Variants in ANKHD1 observed in about 807,000 individuals in gnomAD.
ANKHD1 encodes ankyrin repeat and KH domain-containing protein 1.
A neutral mutation model predicts 230.5 loss-of-function variants in ANKHD1; 31 were observed. The ratio of observed to expected loss-of-function variants is 0.13; its 90% CI spans 0.10 to 0.18. The LOEUF (loss-of-function observed/expected upper bound fraction) is 0.18. Ranked by LOEUF, ANKHD1 falls within the 10% of genes least tolerant of loss-of-function variation. The pLI, the probability that ANKHD1 is intolerant of heterozygous loss-of-function variation, is 1.00. For synonymous variants in ANKHD1, 1,074 were observed against 1,117.6 expected, an observed-to-expected ratio of 0.96 and a Z score of 0.78; for missense variants, 2,256 against 3,071.3, an observed-to-expected ratio of 0.73 and a Z score of 6.27.
intron 23 of ANKHD1, 53 bp downstream of exon 23, chr5:140,512,976 C>A: frequency 6.8e-7 from 1 of 1,475,560 alleles, no homozygotes; most frequent in Non-Finnish European, 9.2e-7. Flanking sequence ...GAATGATATG[C>A]CAAAGTGTGC....
intron 1 of ANKHD1, among the ~76,000 whole-genome samples, chr5:140,435,210 C>A (rs1014199044): frequency 1.3e-5 from 2 of 152,000 alleles, no homozygotes; most frequent in Admixed American, 1.3e-4. Context: ...ATTTCAGAGT[C>A]AGAATTGAAT....
chr5:140,527,296 C>CAA lies in ANKHD1; in HGVS notation c.5087+223_5087+224insAA. On this transcript the variant is annotated intron_variant, in intron 27 of 33. Coordinates refer to ENST00000360839, the MANE Select transcript of ANKHD1 (RefSeq NM_017747.3). This position sits in a 1 kb window ranked among gnomAD's most constrained non-coding sequence, Gnocchi z 4.5. ...AAATTTTGGCTTTTTTGGATAACCT[C>CAA]AGTTGCTTTTTATGTAGTTCAAATG... is the stretch of plus-strand genomic sequence containing the variant. 1 of 539,154 alleles carries CAA rather than the reference C, an allele frequency of 1.9e-6. No homozygotes were observed. The allele number at this position is 539,154 out of a possible 1,614,324, so 33.4% of individuals were successfully genotyped here. A position where few individuals can be genotyped will look rare whatever the true frequency, so the allele number is the denominator to read the frequency against.
At chr5:140,417,777 A>G (rs1771517751) in intron 1 of ANKHD1, among the ~76,000 whole-genome samples, 1 of 149,602 alleles carries the variant, frequency 6.7e-6, no homozygotes, top group Admixed American at 6.7e-5. Context: ...TTGTGATATA[A>G]TTTCAAACTT....
chr5:140,490,919 T>G (rs1751742949), intron 14 of ANKHD1, among the ~76,000 whole-genome samples: 1 of 151,670 alleles, frequency 6.6e-6, no homozygotes, highest in Non-Finnish European at 1.5e-5. Flanking sequence ...CAATTTCTGG[T>G]GCTTTATCAC....
intron 17 of ANKHD1, 116 bp downstream of exon 17, chr5:140,505,349 T>C (rs1752494976): frequency 1.7e-6 from 2 of 1,189,894 alleles, no homozygotes; most frequent in Admixed American, 4.9e-5. Context: ...TAAGTATATT[T>C]CAGTTAGGAA....
At chr5:140,436,067 CA>C in intron 1 of ANKHD1, 36 bp from the exon 2 acceptor site, 1 of 1,459,466 alleles carries the variant, frequency 6.9e-7, no homozygotes, top group Non-Finnish European at 9.1e-7. Context: ...ATATTGATAT[CA>C]GTTTCATGGA....
intron 20 of ANKHD1, 51 bp from the exon 21 acceptor site, chr5:140,509,586 T>G: frequency 6.9e-7 from 1 of 1,456,896 alleles, no homozygotes; most frequent in Non-Finnish European, 9.1e-7. Flanking sequence ...GTCTACGGAA[T>G]AGTTAAAAAA....
intron 10 of ANKHD1, chr5:140,472,530 G>A: frequency 3.6e-6 from 4 of 1,110,378 alleles, no homozygotes; most frequent in Non-Finnish European, 4.6e-6. Context: ...AATCTCTTAG[G>A]TGAAAATAGA....
At chr5:140,491,133 T>C (rs1478046023) in intron 14 of ANKHD1, among the ~76,000 whole-genome samples, 32 of 67,002 alleles carry the variant, frequency 4.8e-4, no homozygotes, top group African/African-American at 1.2e-3. Context: ...TATATATATA[T>C]ATACACATAT....
At chr5:140,416,781 A>T (rs1771432814) in intron 1 of ANKHD1, among the ~76,000 whole-genome samples, 1 of 151,722 alleles carries the variant, frequency 6.6e-6, no homozygotes, top group Non-Finnish European at 1.5e-5. Flanking sequence ...CACCATGCCT[A>T]ACCTGTTCTT....
At chr5:140,466,197 GC>G (rs1178045473) in intron 10 of ANKHD1, among the ~76,000 whole-genome samples, 5 of 152,124 alleles carry the variant, frequency 3.3e-5, no homozygotes. Flanking sequence ...TTAAAGACCA[GC>G]CGGACTAACT....
Position 140,513,041 on chromosome 5 carries a change from TG to T in ANKHD1, c.4200+119del, listed in dbSNP as rs570285109. On this transcript the variant is annotated intron_variant, in intron 23 of 33. Coordinates refer to ENST00000360839, the MANE Select transcript of ANKHD1 (RefSeq NM_017747.3). ...AAAGGTTGGTCACCTGATCTCTTTA[TG>T]CGTTTGTTTCTCCATTTGCAAAATA... is the stretch of plus-strand genomic sequence containing the variant. The T allele has an allele frequency of 3.2e-4, 318 of 1,003,352 alleles. 1 individual carries two copies. In the Admixed American group the frequency reaches 3.4e-3, roughly 11 times the overall value. The allele number at this position is 1,003,352 out of a possible 1,614,324, so 62.2% of individuals were successfully genotyped here.
intron 4 of ANKHD1, 113 bp downstream of exon 4, chr5:140,440,379 C>G (rs1345747166): frequency 7.2e-7 from 1 of 1,388,562 alleles, no homozygotes. Context: ...TCTCTTCCCC[C>G]ATCCTCCTTC....
At chr5:140,532,324 T>C (rs1297253711) in intron 29 of ANKHD1, among the ~76,000 whole-genome samples, 1 of 152,166 alleles carries the variant, frequency 6.6e-6, no homozygotes, top group Non-Finnish European at 1.5e-5. Context: ...TATGATTCCA[T>C]TTATGTGAAA....
At chr5:140,415,050 T>C (rs560885603) in intron 1 of ANKHD1, among the ~76,000 whole-genome samples, 1 of 152,238 alleles carries the variant, frequency 6.6e-6, no homozygotes, top group South Asian at 2.1e-4. Flanking sequence ...TTTTATTTTG[T>C]CGTATGCTTA....
At chr5:140,537,314 A>G in intron 30 of ANKHD1, 75 bp from the exon 31 acceptor site, 1 of 1,544,040 alleles carries the variant, frequency 6.5e-7, no homozygotes, top group Non-Finnish European at 8.7e-7. Flanking sequence ...GTAATAAAAC[A>G]ATAGAGAAAT....
chr5:140,402,338 G>T, intron 1 of ANKHD1, 65 bp downstream of exon 1: 1 of 1,387,606 alleles, frequency 7.2e-7, no homozygotes, highest in Non-Finnish European at 9.3e-7. Context: ...GGTAGGCTCT[G>T]GGCCGGGGCC....
chr5:140,439,081 A>G (rs939736853), intron 3 of ANKHD1, among the ~76,000 whole-genome samples: 19 of 152,242 alleles, frequency 1.2e-4, no homozygotes, highest in African/African-American at 4.3e-4. Flanking sequence ...GCCCTACTCC[A>G]TATCTACTGA....
At position 140,419,233 on chromosome 5, in the gene ANKHD1, C is replaced by T. The variant is rs1193875518; in HGVS notation, c.307-16871C>T. On this transcript the variant is annotated intron_variant, in intron 1 of 33. Coordinates refer to ENST00000360839, the MANE Select transcript of ANKHD1 (RefSeq NM_017747.3). Reference sequence around the variant, plus strand: ...TTCCCTAATGATTAATGATGTTGAGCATCTTTTCATGTGCTTATTGGTCAT... The same window carrying T: ...TTCCCTAATGATTAATGATGTTGAGTATCTTTTCATGTGCTTATTGGTCAT... 2.0e-5 allele frequency among the ~76,000 whole-genome samples: 3 copies of T among 151,240 alleles called. No individual in the cohort carries two copies. In the East Asian group the frequency reaches 5.8e-4, roughly 29 times the overall value.
Sources: gnomAD v4.1 joint callset for allele counts (sites outside exome capture counted in the v4.1 genomes callset) on GRCh38, gnomAD v4.1.1 for gene constraint, Gnocchi (gnomAD v3.1) non-coding constraint, MANE v1.5 for transcripts, NCBI Gene and HGNC (gene_info 2026-07-23, HGNC 2026-07-21) for gene names.